PDE8A: variants seen among roughly 807,000 people sequenced by gnomAD.
PDE8A encodes high affinity cAMP-specific and IBMX-insensitive 3',5'-cyclic phosphodiesterase 8A.
Under a neutral mutation model 105.0 loss-of-function variants are expected in PDE8A, and 59 were observed. That is an observed-to-expected ratio of 0.56 (90% CI 0.46 to 0.70). The LOEUF (loss-of-function observed/expected upper bound fraction) is 0.70. Among genes scored for constraint, PDE8A ranks in the 30% least tolerant of loss-of-function variants. The pLI is 0.00. For missense variants in PDE8A, 1,014 were observed against 1,045.9 expected, an observed-to-expected ratio of 0.97 and a Z score of 0.42; for synonymous variants, 355 against 371.9, an observed-to-expected ratio of 0.95 and a Z score of 0.52.
At position 85,059,882 on chromosome 15, in the gene PDE8A, C is replaced by G. The variant is rs142781698; in HGVS notation, c.187-4488C>G. Among the ~76,000 whole-genome samples the G allele has an allele frequency of 2.9e-3, 434 of 152,278 alleles. 2 individuals carry two copies. Among genetic ancestry groups the G allele is most frequent in the African/African-American group, 0.01 (420 of 41,542 alleles). ...AATTAACCAGATGAGGTGGCATATA[C>G]CTGTAGTCTCAGCTACTCGGGAGAC... On this transcript the variant is annotated intron_variant, in intron 1 of 21. Transcript: ENST00000394553.
At chr15:85,066,125 T>G (rs1264661790) in intron 2 of PDE8A, among the ~76,000 whole-genome samples, 2 of 152,244 alleles carry the variant, frequency 1.3e-5, no homozygotes, top group Non-Finnish European at 2.9e-5. Flanking sequence ...CACCAAGATA[T>G]TAGCATTCAC....
rs867428871 is a variant in PDE8A at position 85,115,327 on chromosome 15, C to A, written c.1351-112C>A. 6.6e-5 allele frequency: 44 copies of A among 667,514 alleles called. No homozygotes were observed. The Middle Eastern group carries it at 2.4e-3, about 37-fold the overall frequency. 41.3% of individuals were successfully genotyped at this position (667,514 alleles called of 1,614,324 possible). A position where few individuals can be genotyped will look rare whatever the true frequency, so the allele number is the denominator to read the frequency against. ...GCTGGGCCCAGGGCAGCCTTGAGTG[C>A]ATTGGTGGAGAGGGCTGCCCTGAGT... On this transcript the variant is annotated intron_variant, in intron 14 of 21. Transcript: ENST00000394553.
intron 1 of PDE8A, among the ~76,000 whole-genome samples, chr15:85,022,068 A>G (rs1010818282): frequency 1.3e-5 from 2 of 152,250 alleles, no homozygotes; most frequent in African/African-American, 4.8e-5. Context: ...AGCTTTCACC[A>G]ACTAGTTTTA....
intron 17 of PDE8A, among the ~76,000 whole-genome samples, chr15:85,119,467 T>TAAAAAAAAAAAAA (rs2082145593): frequency 6.3e-5 from 1 of 15,982 alleles, no homozygotes; most frequent in African/African-American, 2.1e-4. Flanking sequence ...GACTCTCGTC[T>TAAAAAAAAAAAAA]CAAAAAAAAA....
intron 1 of PDE8A, among the ~76,000 whole-genome samples, chr15:85,002,940 A>G (rs187217516): frequency 2.0e-5 from 3 of 152,228 alleles, no homozygotes; most frequent in African/African-American, 7.2e-5. Flanking sequence ...GTGGAAGAAG[A>G]CCAAAATATG....
chr15:85,126,386 C>T lies in PDE8A; in HGVS notation c.2253+12C>T, dbSNP rs779585305. On this transcript the variant is annotated intron_variant, in intron 20 of 21. Transcript: ENST00000394553. ...AATATTTTTCTCAGGTAAGTTGCTGCCTCTTTTAAGTTTCTAGAGAGAGAG... is the reference window on the plus strand; with the variant it reads ...AATATTTTTCTCAGGTAAGTTGCTGTCTCTTTTAAGTTTCTAGAGAGAGAG... The T allele has an allele frequency of 6.5e-7, 1 of 1,538,780 alleles. No homozygotes were observed. The highest frequency in any genetic ancestry group is 2.3e-5 in the East Asian group (1 of 42,596).
intron 5 of PDE8A, among the ~76,000 whole-genome samples, chr15:85,079,641 G>A (rs979207538): frequency 1.3e-5 from 2 of 152,212 alleles, no homozygotes; most frequent in South Asian, 2.1e-4. Context: ...GGCTGGGCAC[G>A]GTGGCTCACG....
intron 3 of PDE8A, among the ~76,000 whole-genome samples, chr15:85,069,660 A>G (rs1296673633): frequency 6.6e-6 from 1 of 152,134 alleles, no homozygotes; most frequent in Non-Finnish European, 1.5e-5. Flanking sequence ...AAAAGCTCAC[A>G]CTAGGTTTAG....
intron 1 of PDE8A, among the ~76,000 whole-genome samples, chr15:85,031,496 C>A (rs1279182536): frequency 6.6e-6 from 1 of 152,088 alleles, no homozygotes; most frequent in African/African-American, 2.4e-5. Context: ...CTGATTCTTG[C>A]CTTTTCTGAC....
intron 1 of PDE8A, among the ~76,000 whole-genome samples, chr15:85,054,594 T>G (rs1334329286): frequency 2.0e-5 from 3 of 152,364 alleles, no homozygotes; most frequent in Non-Finnish European, 4.4e-5. Context: ...TTTTCTAGTT[T>G]ATTTGTGTAG....
At chr15:85,061,415 T>G (rs1388072753) in intron 1 of PDE8A, among the ~76,000 whole-genome samples, 1 of 151,932 alleles carries the variant, frequency 6.6e-6, no homozygotes, top group Non-Finnish European at 1.5e-5. Flanking sequence ...TTTTTTTGTA[T>G]TTTTAGTAGA....
intron 2 of PDE8A, among the ~76,000 whole-genome samples, chr15:85,065,396 TG>T (rs1183644069): frequency 6.8e-6 from 1 of 147,062 alleles, no homozygotes; most frequent in East Asian, 2.1e-4. Context: ...GACGAGTTAG[TG>T]GGTGCAGCGC....
intron 1 of PDE8A, among the ~76,000 whole-genome samples, chr15:84,986,951 A>G (rs758321719): frequency 6.6e-6 from 1 of 152,126 alleles, no homozygotes; most frequent in Non-Finnish European, 1.5e-5. Context: ...AAACTAAAGC[A>G]ATTTTCTCTT....
intron 1 of PDE8A, among the ~76,000 whole-genome samples, chr15:84,984,922 CA>C (rs34026921): frequency 0.12 from 17,362 of 140,914 alleles, 1,251 homozygotes; most frequent in Middle Eastern, 0.25. Context: ...TTCCAAAAGC[CA>C]AAAAAAAAAA....
At chr15:85,067,241 C>T (rs2081244094) in intron 3 of PDE8A, 37 bp downstream of exon 3, 2 of 1,447,746 alleles carry the variant, frequency 1.4e-6, no homozygotes, top group Non-Finnish European at 1.9e-6. Context: ...GTCCCATTGG[C>T]CTTTCTGACA....
intron 1 of PDE8A, among the ~76,000 whole-genome samples, chr15:85,034,755 C>T (rs1329675154): frequency 6.6e-6 from 1 of 152,080 alleles, no homozygotes; most frequent in African/African-American, 2.4e-5. Flanking sequence ...ACTATGTTGC[C>T]TAGGCTGGTC....
intron 8 of PDE8A, 157 bp from the exon 9 acceptor site, chr15:85,097,791 G>A (rs377396243): frequency 2.7e-5 from 16 of 596,354 alleles, no homozygotes; most frequent in African/African-American, 1.7e-4. Flanking sequence ...TGGAAGTTAA[G>A]AAAGAATTGT....
In PDE8A at chr15:85,067,187, T is replaced by C; in HGVS notation, c.417T>C (p.Asp139=). The C allele has an allele frequency of 6.2e-7, 1 of 1,613,740 alleles. No individual in the cohort carries two copies. Among genetic ancestry groups the C allele is most frequent in the Non-Finnish European group, 8.5e-7 (1 of 1,179,778 alleles). The part of the protein sequence containing the change: ...IIDHRNPRQL[D]AEALCRSIRS... ...ACCACAGAAATCCTCGACAGCTGGA[T>C]GCAGAGGCACTGTGCAGGTAAGCCC... The change falls in exon 3 of 22, where the codon GAT becomes GAC. Residue 139 remains aspartate, a synonymous_variant. Transcript: ENST00000394553.
Position 85,117,684 on chromosome 15 carries a change from A to C in PDE8A, c.1579A>C (p.Ile527Leu). ...LGLKMFARFG[I>L]CEFLHCSEST... Reference sequence around the variant, plus strand: ...TCTCAAAATGTTTGCTCGCTTTGGAATCTGTGAATTCTTACACTGCTCCGA... The same window carrying C: ...TCTCAAAATGTTTGCTCGCTTTGGACTCTGTGAATTCTTACACTGCTCCGA... Residue 527 changes from isoleucine to leucine, a missense_variant, in exon 17 of 22, where the codon ATC becomes CTC. Coordinates refer to ENST00000394553, the MANE Select transcript of PDE8A (RefSeq NM_002605.3). The C allele has an allele frequency of 1.2e-6, 2 of 1,614,148 alleles. No individual in the cohort carries two copies. The highest frequency in any genetic ancestry group is 1.7e-6 in the Non-Finnish European group (2 of 1,180,004).
Sources: gnomAD v4.1 joint callset for allele counts (sites outside exome capture counted in the v4.1 genomes callset) on GRCh38, gnomAD v4.1.1 for gene constraint, MANE v1.5 for transcripts, NCBI Gene and HGNC (gene_info 2026-07-23, HGNC 2026-07-21) for gene names.